Variants in LRRIQ1 observed in about 807,000 individuals in gnomAD.
LRRIQ1 encodes the protein leucine-rich repeat- and IQ domain-containing protein 1.
A neutral mutation model predicts 211.9 loss-of-function variants in LRRIQ1; 210 were observed. The ratio of observed to expected loss-of-function variants is 0.99; its 90% CI spans 0.89 to 1.11. The LOEUF is 1.11. Among genes scored for constraint, LRRIQ1 ranks in the 50% most tolerant of loss-of-function variants. The probability of loss-of-function intolerance (pLI) is 0.00; values close to 1 mark genes in which losing one functional copy is unlikely to be tolerated. For synonymous variants in LRRIQ1, 699 were observed against 650.1 expected (o/e 1.08, Z -1.14); for missense variants, 2,136 against 1,939.5 (o/e 1.10, Z -1.90).
At chr12:85,059,504 A>G (rs1189784051) in intron 8 of LRRIQ1, among the ~76,000 whole-genome samples, 1 of 152,024 alleles carries the variant, frequency 6.6e-6, no homozygotes, top group Non-Finnish European at 1.5e-5. Context: ...ATTGTGAGAA[A>G]TGATCATACT....
At chr12:85,111,943 TATACAC>T (rs1477328620) in intron 15 of LRRIQ1, among the ~76,000 whole-genome samples, 1 of 135,292 alleles carries the variant, frequency 7.4e-6, no homozygotes, top group Non-Finnish European at 1.6e-5. Flanking sequence ...TTTATATATA[TATACAC>T]ACACACACAC....
the LRRIQ1 span, among the ~76,000 whole-genome samples, chr12:85,269,972 T>G: frequency 6.6e-6 from 1 of 151,970 alleles, no homozygotes; most frequent in African/African-American, 2.4e-5. Context: ...TTACTATATC[T>G]TCACATATCT....
chr12:85,044,358 G>T (rs1879270451), intron 3 of LRRIQ1, among the ~76,000 whole-genome samples: 2 of 151,782 alleles, frequency 1.3e-5, no homozygotes, highest in South Asian at 4.2e-4. Context: ...CTTGTGCAAG[G>T]TCATGTCTGG....
At chr12:85,198,178 T>C (rs925378673) in intron 24 of LRRIQ1, among the ~76,000 whole-genome samples, 1 of 130,822 alleles carries the variant, frequency 7.6e-6, no homozygotes, top group African/African-American at 3.0e-5. Flanking sequence ...TTTATATTTA[T>C]ATATATATAT....
intron 7 of LRRIQ1, among the ~76,000 whole-genome samples, chr12:85,053,186 G>T (rs1436986600): frequency 6.6e-6 from 1 of 152,056 alleles, no homozygotes; most frequent in Non-Finnish European, 1.5e-5. Flanking sequence ...CAAGAAATAT[G>T]TGACACATGG....
chr12:85,214,438 C>A (rs1270960896), intron 24 of LRRIQ1, among the ~76,000 whole-genome samples: 1 of 152,082 alleles, frequency 6.6e-6, no homozygotes, highest in Non-Finnish European at 1.5e-5. Context: ...CCATATCAAA[C>A]ACCACAACTT....
chr12:85,217,502 ATATATATGTGTGTGTGTGTG>A (rs1234742938), intron 24 of LRRIQ1, among the ~76,000 whole-genome samples: 29 of 78,050 alleles, frequency 3.7e-4, no homozygotes, highest in African/African-American at 2.8e-3. Context: ...GTATATATAT[ATATATATGTGTGTGTGTGTG>A]TGTGTGTGTG....
intron 3 of LRRIQ1, among the ~76,000 whole-genome samples, chr12:85,042,027 G>A (rs1878947125): frequency 6.6e-6 from 1 of 151,854 alleles, no homozygotes; most frequent in African/African-American, 2.4e-5. Flanking sequence ...ATCTATGGTT[G>A]AATTATGAAG....
rs181290170 is a variant in LRRIQ1 at position 85,176,800 on chromosome 12, A to G, written c.4822+16086A>G. On this transcript the variant is annotated intron_variant, in intron 24 of 26. Transcript: ENST00000393217. ...AATTTTAGATGGGTCTATAATATTTATAGTCATGGTAACAATAACATTATG... is the reference window on the plus strand; with the variant it reads ...AATTTTAGATGGGTCTATAATATTTGTAGTCATGGTAACAATAACATTATG... Among the ~76,000 whole-genome samples, 333 of 152,266 alleles carry G rather than the reference A, an allele frequency of 2.2e-3. 2 individuals carry two copies. The highest frequency in any genetic ancestry group is 7.8e-3 in the African/African-American group (326 of 41,578).
At chr12:85,111,028 G>T (rs1260304593) in intron 15 of LRRIQ1, among the ~76,000 whole-genome samples, 1 of 152,016 alleles carries the variant, frequency 6.6e-6, no homozygotes. Context: ...ATCTCATAGG[G>T]TAATATAGGT....
intron 24 of LRRIQ1, among the ~76,000 whole-genome samples, chr12:85,222,792 G>A (rs976970978): frequency 1.3e-5 from 2 of 152,114 alleles, no homozygotes; most frequent in South Asian, 2.1e-4. Flanking sequence ...AGTTCAAGGC[G>A]TTGGGTTTGA....
At chr12:85,063,220 A>ATTTTTTTTTTTTT (rs1032280065) in intron 8 of LRRIQ1, among the ~76,000 whole-genome samples, 1 of 143,498 alleles carries the variant, frequency 7.0e-6, no homozygotes, top group Non-Finnish European at 1.5e-5. Context: ...CCACTTGTCA[A>ATTTTTTTTTTTTT]TTTTTTTTTT....
At chr12:85,245,565 A>C (rs1257451874), downstream of LRRIQ1, among the ~76,000 whole-genome samples, 1 of 149,970 alleles carries the variant, frequency 6.7e-6, no homozygotes, top group East Asian at 1.9e-4. Flanking sequence ...TAATGATTTC[A>C]ACAAGAATTA....
At chr12:85,254,355 T>G (rs1288149648) in intron 1 of LRRIQ1, among the ~76,000 whole-genome samples, 1 of 152,200 alleles carries the variant, frequency 6.6e-6, no homozygotes, top group South Asian at 2.1e-4. Context: ...CCATGATGTT[T>G]AACTAGCATT....
At position 85,110,547 on chromosome 12, in the gene LRRIQ1, CT is replaced by C. The variant is rs201072450; in HGVS notation, c.3377+3934del. On this transcript the variant is annotated intron_variant, in intron 15 of 26. Transcript: ENST00000393217. ...GGCTGCAAAATCTACGCTTGTAACT[CT>C]TAGAGTTTTTGTGTCTAATAAAACA... Among the ~76,000 whole-genome samples, 9 of 152,050 alleles carry C rather than the reference CT, an allele frequency of 5.9e-5. No homozygotes were observed. The East Asian group carries it at 1.7e-3, about 29-fold the overall frequency.
intron 10 of LRRIQ1, among the ~76,000 whole-genome samples, chr12:85,071,245 T>C (rs1385470196): frequency 6.6e-6 from 1 of 152,028 alleles, no homozygotes; most frequent in Non-Finnish European, 1.5e-5. Context: ...TGTGCATCTA[T>C]ATATATGCAC....
chr12:85,071,159 T>C (rs1883040613), intron 10 of LRRIQ1, among the ~76,000 whole-genome samples: 1 of 151,940 alleles, frequency 6.6e-6, no homozygotes, highest in Non-Finnish European at 1.5e-5. Flanking sequence ...TCCTTTTCAC[T>C]CTTCTCTCGC....
At position 85,254,713 on chromosome 12, in the gene LRRIQ1, T is replaced by C. The variant is rs12581849; in HGVS notation, c.122-8202T>C. 9.1e-4 allele frequency among the ~76,000 whole-genome samples: 138 copies of C among 152,188 alleles called. 1 individual carries two copies. The East Asian group carries it at 0.022, about 24-fold the overall frequency. On this transcript the variant is annotated intron_variant, in intron 1 of 1. Transcript: ENST00000602731. ...TCCTCAGACACCATCTTAGAGAAAATGTCATTTAGAAGTCTCTAGTATTCT... is the reference window on the plus strand; with the variant it reads ...TCCTCAGACACCATCTTAGAGAAAACGTCATTTAGAAGTCTCTAGTATTCT...
At chr12:85,163,643 T>G (rs2136752794) in intron 24 of LRRIQ1, among the ~76,000 whole-genome samples, 1 of 152,242 alleles carries the variant, frequency 6.6e-6, no homozygotes, top group South Asian at 2.1e-4. Context: ...TTATTGTGGC[T>G]TTTTCTGAAC....
Sources: allele counts gnomAD v4.1 joint callset (sites outside exome capture counted in the v4.1 genomes callset), GRCh38; gene constraint gnomAD v4.1.1; transcripts MANE v1.5; gene names NCBI Gene and HGNC (gene_info 2026-07-23, HGNC 2026-07-21).